The following DCAF4L1 variants were observed in gnomAD, a reference collection of about 807,000 sequenced individuals.
DCAF4L1 encodes the protein DDB1 and CUL4 associated factor 4 like 1.
Under a neutral mutation model 28.2 loss-of-function variants are expected in DCAF4L1, and 4 were observed. The observed-to-expected ratio is 0.14, with a 90% confidence interval of 0.07 to 0.33. DCAF4L1 has a LOEUF of 0.33. Among genes scored for constraint, DCAF4L1 ranks in the 10% least tolerant of loss-of-function variants. The pLI, the probability that DCAF4L1 is intolerant of heterozygous loss-of-function variation, is 1.00. For missense variants in DCAF4L1, 331 were observed against 506.1 expected (o/e 0.65, Z 3.32); for synonymous variants, 252 against 212.1 (o/e 1.19, Z -1.63).
At position 41,982,377 on chromosome 4, in the gene DCAF4L1, G is replaced by A; in HGVS notation, c.585G>A (p.Arg195=). ...AWSCAWSLNT[R]AYHCFSAGLS... Reference sequence around the variant, plus strand: ...CCTGTGCGTGGTCCCTCAACACCCGGGCATATCACTGCTTTAGTGCAGGCT... The same window carrying A: ...CCTGTGCGTGGTCCCTCAACACCCGAGCATATCACTGCTTTAGTGCAGGCT... The change falls in exon 1 of 1, where the codon CGG becomes CGA. Residue 195 remains arginine, a synonymous_variant. Coordinates refer to ENST00000333141, the MANE Select transcript of DCAF4L1 (RefSeq NM_001029955.4). The surrounding 1 kb of genome is among the most constrained non-coding windows in gnomAD (Gnocchi z 4.4). 1 of 1,614,192 alleles carries A rather than the reference G, an allele frequency of 6.2e-7. No homozygotes were observed. Among genetic ancestry groups the A allele is most frequent in the South Asian group, 1.1e-5 (1 of 91,086 alleles).
In DCAF4L1 at chr4:41,982,836, G is replaced by C. The variant is rs143457069; in HGVS notation, c.1044G>C (p.Leu348=). The part of the protein sequence containing the change: ...TRIWSLHDAH[L]LRTIPSPYSA... The stretch of plus-strand genomic sequence containing the variant: ...TCTGGAGCCTCCATGATGCCCACCT[G>C]CTCAGAACCATCCCTTCCCCGTACT... Residue 348 remains leucine, a synonymous_variant, in exon 1 of 1, where the codon CTG becomes CTC. Transcript: ENST00000333141. This position sits in a 1 kb window ranked among gnomAD's most constrained non-coding sequence, Gnocchi z 4.4. 6.2e-7 allele frequency: 1 copy of C among 1,614,182 alleles called. No homozygotes were observed.
chr4:41,983,366 G>A lies in DCAF4L1; in HGVS notation c.*383G>A, dbSNP rs1225954184. ...AGCCCTTTAGAGAAGCATAATGATG[G>A]TACTGGTAAGACTGTTTGACTAATC... On this transcript the variant is annotated 3_prime_UTR_variant, in exon 1 of 1. Coordinates refer to ENST00000333141, the MANE Select transcript of DCAF4L1 (RefSeq NM_001029955.4). 1 of 185,320 alleles carries A rather than the reference G, an allele frequency of 5.4e-6. No homozygotes were observed. The highest frequency in any genetic ancestry group is 1.3e-5 in the Non-Finnish European group (1 of 79,328). The allele number at this position is 185,320 out of a possible 1,614,324, so 11.5% of individuals were successfully genotyped here.
At position 41,983,675 on chromosome 4, in the gene DCAF4L1, G is replaced by C. The variant is rs1714064873; in HGVS notation, c.*692G>C. 6.0e-6 allele frequency: 1 copy of C among 166,968 alleles called. No individual in the cohort carries two copies. Among genetic ancestry groups the C allele is most frequent in the South Asian group, 2.1e-4 (1 of 4,830 alleles). 10.3% of individuals were successfully genotyped at this position (166,968 alleles called of 1,614,324 possible). ...CAGAATGTAAGGTACAGCAGCTCCG[G>C]TTTCTATTATGGTGACTTGAAGTTC... On this transcript the variant is annotated 3_prime_UTR_variant, in exon 1 of 1. Coordinates refer to ENST00000333141, the MANE Select transcript of DCAF4L1 (RefSeq NM_001029955.4).
rs1714147201 is a variant in DCAF4L1 at position 41,986,020 on chromosome 4, G to A, written c.*3037G>A. 6.0e-6 allele frequency: 1 copy of A among 167,152 alleles called. No homozygotes were observed. The highest frequency in any genetic ancestry group is 2.4e-5 in the African/African-American group (1 of 41,448). The allele number at this position is 167,152 out of a possible 1,614,324, so 10.4% of individuals were successfully genotyped here. On this transcript the variant is annotated 3_prime_UTR_variant, in exon 1 of 1. Transcript: ENST00000333141. The stretch of plus-strand genomic sequence containing the variant: ...CAGCGAACAAGACTTGGGTTTATTG[G>A]GGGAACTTATATATAGGGATGGTCC...
At position 41,986,241 on chromosome 4, in the gene DCAF4L1, A is replaced by G. The variant is rs1714153305; in HGVS notation, c.*3258A>G. The G allele has an allele frequency of 6.0e-6, 1 of 167,110 alleles. No individual in the cohort carries two copies. Among genetic ancestry groups the G allele is most frequent in the Admixed American group, 6.5e-5 (1 of 15,280 alleles). 10.4% of individuals were successfully genotyped at this position (167,110 alleles called of 1,614,324 possible). A position where few individuals can be genotyped will look rare whatever the true frequency, so the allele number is the denominator to read the frequency against. ...CCTTCATAGATAAGGAGTGAAACTC[A>G]GGGTTAGTCGCTCCTGTTTCCTTAG... On this transcript the variant is annotated 3_prime_UTR_variant, in exon 1 of 1. Transcript: ENST00000333141.
chr4:41,982,520 G>A lies in DCAF4L1; in HGVS notation c.728G>A (p.Cys243Tyr), dbSNP rs1273122717. ...ACGGCTCCTTTGCTGTTTAATGGCT[G>A]TCGCTCCGGGGAGATCTTTGCCATT... Reference protein sequence around the residue: ...ASTAPLLFNGCRSGEIFAIDL... With the variant: ...ASTAPLLFNGYRSGEIFAIDL... Residue 243 changes from cysteine (C) to tyrosine (Y), a missense_variant, in exon 1 of 1, where the codon TGT (cysteine) becomes TAT (tyrosine). Coordinates refer to ENST00000333141, the MANE Select transcript of DCAF4L1 (RefSeq NM_001029955.4). This position sits in a 1 kb window ranked among gnomAD's most constrained non-coding sequence, Gnocchi z 4.4. 6.2e-7 allele frequency: 1 copy of A among 1,614,210 alleles called. No homozygotes were observed. Among genetic ancestry groups the A allele is most frequent in the Non-Finnish European group, 8.5e-7 (1 of 1,180,042 alleles).
Position 41,982,780 on chromosome 4 carries a change from G to A in DCAF4L1, c.988G>A (p.Val330Met). The A allele has an allele frequency of 3.7e-6, 6 of 1,614,248 alleles. No individual in the cohort carries two copies. The South Asian group carries it at 5.5e-5, about 15-fold the overall frequency. ...TGTGCACGAGGAAGAGGGAATCGTGGTGGCAGTGGGCCAGGACTGCTACAC... is the reference window on the plus strand; with the variant it reads ...TGTGCACGAGGAAGAGGGAATCGTGATGGCAGTGGGCCAGGACTGCTACAC... ...LHVHEEEGIV[V>M]AVGQDCYTRI... Residue 330 changes from valine (V) to methionine (M), a missense_variant, in exon 1 of 1, where the codon GTG (valine) becomes ATG (methionine). Transcript: ENST00000333141. This position sits in a 1 kb window ranked among gnomAD's most constrained non-coding sequence, Gnocchi z 4.4.
Position 41,984,567 on chromosome 4 carries a change from G to A in DCAF4L1, c.*1584G>A, listed in dbSNP as rs78170005. On this transcript the variant is annotated 3_prime_UTR_variant, in exon 1 of 1. Transcript: ENST00000333141. The stretch of plus-strand genomic sequence containing the variant: ...TTTGTTAACTTTAGAACTGGTAGAT[G>A]ATGGTGTCGTTTACTAACCTGGGGA... 1.2e-5 allele frequency: 2 copies of A among 166,490 alleles called. No homozygotes were observed. Among genetic ancestry groups the A allele is most frequent in the African/African-American group, 4.9e-5 (2 of 41,210 alleles). The allele number at this position is 166,490 out of a possible 1,614,324, so 10.3% of individuals were successfully genotyped here. A position where few individuals can be genotyped will look rare whatever the true frequency, so the allele number is the denominator to read the frequency against.
chr4:41,982,545 T>G lies in DCAF4L1; in HGVS notation c.753T>G (p.Ile251Met), dbSNP rs146511711. ...GTCGCTCCGGGGAGATCTTTGCCAT[T>G]GATCTGCGTTGTAGAAATCGAGGCA... ...NGCRSGEIFA[I>M]DLRCRNRGKG... The change falls in exon 1 of 1, where the codon ATT becomes ATG. Residue 251 changes from isoleucine (I) to methionine (M), a missense_variant. Ile to Met is a conservative substitution (Grantham distance 10). Transcript: ENST00000333141. The surrounding 1 kb of genome is among the most constrained non-coding windows in gnomAD (Gnocchi z 4.4). 2 of 1,614,104 alleles carry G rather than the reference T, an allele frequency of 1.2e-6. No individual in the cohort carries two copies. The highest frequency in any genetic ancestry group is 1.7e-6 in the Non-Finnish European group (2 of 1,180,052).
In DCAF4L1 at chr4:41,985,694, A is replaced by G. The variant is rs767540911; in HGVS notation, c.*2711A>G. The G allele has an allele frequency of 6.6e-5, 11 of 167,068 alleles. No individual in the cohort carries two copies. Among genetic ancestry groups the G allele is most frequent in the South Asian group, 2.1e-4 (1 of 4,834 alleles). 10.3% of individuals were successfully genotyped at this position (167,068 alleles called of 1,614,324 possible). A position where few individuals can be genotyped will look rare whatever the true frequency, so the allele number is the denominator to read the frequency against. On this transcript the variant is annotated 3_prime_UTR_variant, in exon 1 of 1. Transcript: ENST00000333141. ...GGATAAATTGTGGGATATTAACACA[A>G]TGGAATCCTTTTTGCAGTGAGAATG...
chr4:41,985,520 A>G lies in DCAF4L1; in HGVS notation c.*2537A>G, dbSNP rs1261658411. The G allele has an allele frequency of 6.0e-6, 1 of 167,126 alleles. No homozygotes were observed. Among genetic ancestry groups the G allele is most frequent in the African/African-American group, 2.4e-5 (1 of 41,456 alleles). 10.4% of individuals were successfully genotyped at this position (167,126 alleles called of 1,614,324 possible). A position where few individuals can be genotyped will look rare whatever the true frequency, so the allele number is the denominator to read the frequency against. ...ACTGGTACAAGCACTTGGAAAAGTT[A>G]GTAATTGCTAAAGCTAGAAGTTTGC... On this transcript the variant is annotated 3_prime_UTR_variant, in exon 1 of 1. Coordinates refer to ENST00000333141, the MANE Select transcript of DCAF4L1 (RefSeq NM_001029955.4).
rs947752530 is a variant in DCAF4L1 at position 41,982,942 on chromosome 4, A to T, written c.1150A>T (p.Met384Leu). The change falls in exon 1 of 1, where the codon ATG becomes TTG. Residue 384 changes from methionine (M) to leucine (L), a missense_variant. Physicochemically the swap from Met to Leu is conservative, Grantham distance 15. Coordinates refer to ENST00000333141, the MANE Select transcript of DCAF4L1 (RefSeq NM_001029955.4). This position sits in a 1 kb window ranked among gnomAD's most constrained non-coding sequence, Gnocchi z 4.4. ...GIRGAAPGLL[M>L]AVRQDLYCFP... ...CCGGGGAGCAGCACCAGGGCTGCTC[A>T]TGGCTGTCCGGCAGGACCTTTATTG... 9.3e-6 allele frequency: 15 copies of T among 1,613,500 alleles called. No homozygotes were observed. Among genetic ancestry groups the T allele is most frequent in the East Asian group, 6.7e-5 (3 of 44,886 alleles).
In DCAF4L1 at chr4:41,982,980, C is replaced by T; in HGVS notation, c.1188C>T (p.Ser396=). Residue 396 remains serine, a synonymous_variant, in exon 1 of 1, where the codon AGC becomes AGT. Transcript: ENST00000333141. The surrounding 1 kb of genome is among the most constrained non-coding windows in gnomAD (Gnocchi z 4.4). The stretch of plus-strand genomic sequence containing the variant: ...AGGACCTTTATTGTTTCCCCTTCAG[C>T]TAATTCTGCAGGTGGCAGCGCGGCC... ...VRQDLYCFPF[S] is the part of the protein sequence containing the mutation. 1 of 1,598,212 alleles carries T rather than the reference C, an allele frequency of 6.3e-7. No homozygotes were observed. Among genetic ancestry groups the T allele is most frequent in the Non-Finnish European group, 8.5e-7 (1 of 1,172,142 alleles).
rs754623327 is a variant in DCAF4L1 at position 41,982,626 on chromosome 4, C to T, written c.834C>T (p.Ile278=). Residue 278 remains isoleucine, a synonymous_variant, in exon 1 of 1, where the codon ATC becomes ATT. Transcript: ENST00000333141. The surrounding 1 kb of genome is among the most constrained non-coding windows in gnomAD (Gnocchi z 4.4). ...FHDSAVTSVQ[I]LQEEQCLMAS... ...ACTCAGCAGTGACCTCTGTGCAAAT[C>T]CTCCAAGAAGAGCAATGCCTGATGG... The T allele has an allele frequency of 1.9e-6, 3 of 1,614,116 alleles. No homozygotes were observed. The highest frequency in any genetic ancestry group is 1.3e-5 in the African/African-American group (1 of 74,932).
At position 41,982,356 on chromosome 4, in the gene DCAF4L1, T is replaced by C. The variant is rs767569298; in HGVS notation, c.564T>C (p.Cys188=). The C allele has an allele frequency of 2.5e-6, 4 of 1,614,242 alleles. No homozygotes were observed. The Middle Eastern group carries it at 4.9e-4, about 200-fold the overall frequency. ...TCCAGATCCCAGAGGCCTGGTCCTG[T>C]GCGTGGTCCCTCAACACCCGGGCAT... The part of the protein sequence containing the change: ...CSFQIPEAWS[C]AWSLNTRAYH... The change falls in exon 1 of 1, where the codon TGT becomes TGC. Residue 188 remains cysteine, a synonymous_variant. Coordinates refer to ENST00000333141, the MANE Select transcript of DCAF4L1 (RefSeq NM_001029955.4). This position sits in a 1 kb window ranked among gnomAD's most constrained non-coding sequence, Gnocchi z 4.4.
rs762325847 is a variant in DCAF4L1 at position 41,982,474 on chromosome 4, T to C, written c.682T>C (p.Leu228=). The change falls in exon 1 of 1, where the codon TTG becomes CTG. Residue 228 remains leucine, a synonymous_variant. Transcript: ENST00000333141. This position sits in a 1 kb window ranked among gnomAD's most constrained non-coding sequence, Gnocchi z 4.4. Reference sequence around the variant, plus strand: ...GTCATTTGATACCAGCAGTGATGTCTTGGCCCAGCAGTTTGCTAGTACGGC... The same window carrying C: ...GTCATTTGATACCAGCAGTGATGTCCTGGCCCAGCAGTTTGCTAGTACGGC... The part of the protein sequence containing the change: ...QQSFDTSSDV[L]AQQFASTAPL... 1.4e-5 allele frequency: 22 copies of C among 1,614,112 alleles called. No individual in the cohort carries two copies. Among genetic ancestry groups the C allele is most frequent in the Middle Eastern group, 1.6e-4 (1 of 6,084 alleles).
In DCAF4L1 at chr4:41,982,636, G is replaced by A; in HGVS notation, c.844G>A (p.Glu282Lys). 3 of 1,614,254 alleles carry A rather than the reference G, an allele frequency of 1.9e-6. No homozygotes were observed. The highest frequency in any genetic ancestry group is 2.5e-6 in the Non-Finnish European group (3 of 1,180,036). The stretch of plus-strand genomic sequence containing the variant: ...GACCTCTGTGCAAATCCTCCAAGAA[G>A]AGCAATGCCTGATGGCATCAGACAT... ...AVTSVQILQE[E>K]QCLMASDMTG... The change falls in exon 1 of 1, where the codon GAG becomes AAG. Residue 282 changes from glutamate (E) to lysine (K), a missense_variant. Transcript: ENST00000333141. The surrounding 1 kb of genome is among the most constrained non-coding windows in gnomAD (Gnocchi z 4.4).
Position 41,982,302 on chromosome 4 carries a change from A to G in DCAF4L1, c.510A>G (p.Arg170=). ...CGCGGTTCTTAAGTGTTCACACAAG[A>G]GTTAACCAGCCTGGCATGCTCTGCA... The part of the protein sequence containing the change: ...PASRFLSVHT[R]VNQPGMLCSF... The change falls in exon 1 of 1, where the codon AGA becomes AGG. Residue 170 remains arginine, a synonymous_variant. Transcript: ENST00000333141. This position sits in a 1 kb window ranked among gnomAD's most constrained non-coding sequence, Gnocchi z 4.4. 1 of 1,614,216 alleles carries G rather than the reference A, an allele frequency of 6.2e-7. No homozygotes were observed. Among genetic ancestry groups the G allele is most frequent in the Non-Finnish European group, 8.5e-7 (1 of 1,180,042 alleles).
In DCAF4L1 at chr4:41,981,972, A is replaced by G. The variant is rs143968839; in HGVS notation, c.180A>G (p.Gln60=). The change falls in exon 1 of 1, where the codon CAA becomes CAG. Residue 60 remains glutamine (Q), a synonymous_variant. Transcript: ENST00000333141. The part of the protein sequence containing the change: ...RVSCMERKKV[Q]IRSLDPSSLA... ...GCTGCATGGAGCGGAAAAAGGTCCA[A>G]ATTCGGAGCTTGGATCCCTCCTCTT... The G allele has an allele frequency of 1.7e-4, 277 of 1,614,092 alleles. No individual in the cohort carries two copies. The highest frequency in any genetic ancestry group is 2.2e-4 in the Non-Finnish European group (262 of 1,180,056).
Sources: gnomAD v4.1 joint callset for allele counts on GRCh38, gnomAD v4.1.1 for gene constraint, Gnocchi (gnomAD v3.1) non-coding constraint, MANE v1.5 for transcripts, NCBI Gene and HGNC (gene_info 2026-07-23, HGNC 2026-07-21) for gene names.